The following EVA1C variants were observed in gnomAD, a reference collection of about 807,000 sequenced individuals.
EVA1C encodes the protein eva-1 homolog C.
In EVA1C, 25 loss-of-function variants were observed where a neutral mutation model predicts 45.4. That is an observed-to-expected ratio of 0.55 (90% confidence interval 0.40 to 0.77). The LOEUF is 0.77. Among genes scored for constraint, EVA1C ranks in the 30% least tolerant of loss-of-function variants. EVA1C has a pLI of 0.00. For missense variants in EVA1C, 479 were observed against 554.8 expected (o/e 0.86, Z 1.37); for synonymous variants, 190 against 221.2 (o/e 0.86, Z 1.25).
intron 2 of EVA1C, among the ~76,000 whole-genome samples, chr21:32,455,702 C>T (rs1473039952): frequency 6.6e-6 from 1 of 152,116 alleles, no homozygotes; most frequent in Non-Finnish European, 1.5e-5. Context: ...AGCATGGGCA[C>T]CACCTGCACC....
chr21:32,436,044 TTTTGTTTGTTTG>T (rs887191693), intron 1 of EVA1C, among the ~76,000 whole-genome samples: 2 of 151,884 alleles, frequency 1.3e-5, no homozygotes, highest in Non-Finnish European at 2.9e-5. Flanking sequence ...TTCAGCTGTT[TTTTGTTTGTTTG>T]TTTGTTTGTT....
chr21:32,464,736 C>T (rs1271033040), intron 3 of EVA1C, among the ~76,000 whole-genome samples: 4 of 152,130 alleles, frequency 2.6e-5, no homozygotes, highest in Admixed American at 6.5e-5. Context: ...GCAGGAGAAT[C>T]GCTTGAGCCT....
chr21:32,465,934 T>A (rs1017853873), intron 3 of EVA1C, among the ~76,000 whole-genome samples: 1 of 152,238 alleles, frequency 6.6e-6, no homozygotes, highest in African/African-American at 2.4e-5. Flanking sequence ...CAGTCCAGCA[T>A]GGGACATTCC....
intron 1 of EVA1C, chr21:32,428,798 T>G (rs889894344): frequency 3.3e-5 from 5 of 152,232 alleles, no homozygotes; most frequent in Admixed American, 3.3e-4. Flanking sequence ...TGTTGACTAT[T>G]AAGTTGTAAA....
At chr21:32,503,793 G>A (rs1223581103) in intron 6 of EVA1C, 133 bp from the exon 7 acceptor site, 3 of 614,760 alleles carry the variant, frequency 4.9e-6, no homozygotes, top group African/African-American at 1.9e-5. Context: ...AATTTAGCCA[G>A]AGGCCCATTT....
At chr21:32,505,976 A>G (rs1185543538) in intron 7 of EVA1C, among the ~76,000 whole-genome samples, 1 of 152,084 alleles carries the variant, frequency 6.6e-6, no homozygotes, top group Non-Finnish European at 1.5e-5. Context: ...GCCTGAGGAC[A>G]CCATGGACAG....
At chr21:32,480,961 C>CAA (rs201056328) in intron 4 of EVA1C, among the ~76,000 whole-genome samples, 10 of 134,956 alleles carry the variant, frequency 7.4e-5, no homozygotes, top group African/African-American at 2.7e-4. Flanking sequence ...AGTGCCGTCT[C>CAA]AAAAAAAAAA....
At chr21:32,444,290 G>A (rs948346590) in intron 1 of EVA1C, among the ~76,000 whole-genome samples, 39 of 151,970 alleles carry the variant, frequency 2.6e-4, no homozygotes, top group Admixed American at 2.0e-3. Flanking sequence ...AATGAGTCTC[G>A]GTCCCCAAGA....
At chr21:32,418,906 A>G (rs1438800629) in intron 1 of EVA1C, among the ~76,000 whole-genome samples, 1 of 152,176 alleles carries the variant, frequency 6.6e-6, no homozygotes, top group Non-Finnish European at 1.5e-5. Context: ...GTGCACTCAC[A>G]AAGTGGTCCA....
intron 5 of EVA1C, among the ~76,000 whole-genome samples, chr21:32,497,770 G>A (rs149784498): frequency 3.3e-5 from 5 of 152,286 alleles, no homozygotes; most frequent in East Asian, 3.9e-4. Context: ...CAGTCATGGC[G>A]GAAGGCAAGG....
rs184197270 is a variant in EVA1C at position 32,444,542 on chromosome 21, C to T, written c.161-8770C>T. 1.1e-4 allele frequency among the ~76,000 whole-genome samples: 17 copies of T among 152,282 alleles called. No individual in the cohort carries two copies. The East Asian group carries it at 1.5e-3, about 14-fold the overall frequency. On this transcript the variant is annotated intron_variant, in intron 1 of 7. Coordinates refer to ENST00000300255, the MANE Select transcript of EVA1C (RefSeq NM_058187.5). ...AGCAGTGCGGAGCTTCTGTGCCCAC[C>T]GTGGGTGCCCTGACTTCCAAAAACC... is the stretch of plus-strand genomic sequence containing the variant.
intron 1 of EVA1C, among the ~76,000 whole-genome samples, chr21:32,413,570 A>G (rs2033917932): frequency 1.3e-5 from 2 of 152,232 alleles, no homozygotes; most frequent in South Asian, 4.1e-4. Context: ...AAAGTGTACC[A>G]GGGTCCTCCC....
intron 4 of EVA1C, among the ~76,000 whole-genome samples, chr21:32,494,620 TAAA>T (rs1353759854): frequency 2.0e-5 from 3 of 152,028 alleles, no homozygotes; most frequent in Admixed American, 6.6e-5. Context: ...CCATCTCTAC[TAAA>T]AATACAAAAA....
chr21:32,468,293 C>G (rs373071288), intron 4 of EVA1C, among the ~76,000 whole-genome samples: 1 of 151,490 alleles, frequency 6.6e-6, no homozygotes, highest in Admixed American at 6.6e-5. Context: ...TGCTTGAACC[C>G]GGGAGGTGAA....
chr21:32,453,120 G>T, intron 1 of EVA1C, 192 bp from the exon 2 acceptor site: 1 of 503,226 alleles, frequency 2.0e-6, no homozygotes, highest in Non-Finnish European at 3.6e-6. Context: ...CATGAAAGCT[G>T]ACATTGGCTC....
At chr21:32,484,795 A>C (rs2036915874) in intron 4 of EVA1C, among the ~76,000 whole-genome samples, 1 of 151,562 alleles carries the variant, frequency 6.6e-6, no homozygotes, top group African/African-American at 2.4e-5. Flanking sequence ...ACTCACCCCC[A>C]CCCACTGTGT....
At chr21:32,420,504 C>G (rs940196703) in intron 1 of EVA1C, among the ~76,000 whole-genome samples, 1 of 152,254 alleles carries the variant, frequency 6.6e-6, no homozygotes, top group East Asian at 1.9e-4. Context: ...CCCACCTCAG[C>G]ACTCCCTAGT....
At chr21:32,434,873 T>G (rs180869242) in intron 1 of EVA1C, among the ~76,000 whole-genome samples, 793 of 152,376 alleles carry the variant, frequency 5.2e-3, no homozygotes, top group African/African-American at 0.018. Flanking sequence ...GCCACCCAGC[T>G]TGTGGTACCT....
chr21:32,429,033 T>C (rs1253116928), intron 1 of EVA1C, among the ~76,000 whole-genome samples: 7 of 145,244 alleles, frequency 4.8e-5, no homozygotes, highest in Non-Finnish European at 8.8e-5. Context: ...TATTTATTTA[T>C]TTTTTGAGAC....
Sources: allele counts gnomAD v4.1 joint callset (sites outside exome capture counted in the v4.1 genomes callset), GRCh38; gene constraint gnomAD v4.1.1; transcripts MANE v1.5; gene names NCBI Gene and HGNC (gene_info 2026-07-23, HGNC 2026-07-21).